SYT8: variants seen among roughly 807,000 people sequenced by gnomAD.
SYT8 encodes synaptotagmin 8.
In SYT8, 50 loss-of-function variants were observed where a neutral mutation model predicts 34.9. That is an observed-to-expected ratio of 1.43 (90% CI 1.14 to 1.81). The LOEUF (loss-of-function observed/expected upper bound fraction) is 1.81. Among genes scored for constraint, SYT8 ranks in the 40% most tolerant of loss-of-function variants. The probability of loss-of-function intolerance (pLI) is 0.00; values close to 1 mark genes in which losing one functional copy is unlikely to be tolerated. For missense variants in SYT8, 595 were observed against 529.0 expected, an observed-to-expected ratio of 1.12 and a Z score of -1.22; for synonymous variants, 255 against 234.2, an observed-to-expected ratio of 1.09 and a Z score of -0.81.
rs143303623 is a variant in SYT8 at position 1,836,759 on chromosome 11, G to A, written c.688G>A (p.Glu230Lys). The change falls in exon 6 of 8, where the codon GAG becomes AAG. Residue 230 changes from glutamate (E) to lysine (K), a missense_variant. Transcript: ENST00000341958. ...LLGPPAATQPEQVGELCFSLR... is the reference protein window; with the variant it reads ...LLGPPAATQPKQVGELCFSLR... ...AAGCCCCTCTTGCTGCCCACAGCCCGAGCAGGTCGGGGAGCTGTGCTTCTC... is the reference window on the plus strand; with the variant it reads ...AAGCCCCTCTTGCTGCCCACAGCCCAAGCAGGTCGGGGAGCTGTGCTTCTC... 1.2e-6 allele frequency: 2 copies of A among 1,608,882 alleles called. No homozygotes were observed. The highest frequency in any genetic ancestry group is 1.3e-5 in the African/African-American group (1 of 75,062).
Position 1,836,266 on chromosome 11 carries a change from C to T in SYT8, c.498C>T (p.Asp166=), listed in dbSNP as rs147187015. The T allele has an allele frequency of 6.1e-5, 95 of 1,563,920 alleles. No homozygotes were observed. Among genetic ancestry groups the T allele is most frequent in the Non-Finnish European group, 7.3e-5 (84 of 1,157,864 alleles). ...GAGGCACGCTCTGCCCCGTGTTTGA[C>T]GAGACCTGCTGCTTCCACGTGAGTC... ...VHRGTLCPVF[D]ETCCFHIPQA... The change falls in exon 4 of 8, where the codon GAC becomes GAT. Residue 166 remains aspartate, a synonymous_variant. Transcript: ENST00000341958.
chr11:1,834,474 G>A, upstream of SYT8: 1 of 1,164,044 alleles, frequency 8.6e-7, no homozygotes, highest in East Asian at 2.5e-5. The surrounding 1 kb of genome is among the most constrained non-coding windows in gnomAD (Gnocchi z 4.5). Flanking sequence ...TTTAGCCCAG[G>A]CCTGCTCAGT....
upstream of SYT8, chr11:1,834,376 C>T (rs1433757736): frequency 3.9e-5 from 24 of 619,962 alleles, no homozygotes; most frequent in Admixed American, 1.0e-4. This position sits in a 1 kb window ranked among gnomAD's most constrained non-coding sequence, Gnocchi z 4.5. Context: ...ATGTTCTGGC[C>T]GCTCCCAGCT....
At chr11:1,835,837 A>T in intron 2 of SYT8, 49 bp from the exon 3 acceptor site, 1 of 1,514,694 alleles carries the variant, frequency 6.6e-7, no homozygotes. Flanking sequence ...CAGGGCTCTG[A>T]TGAGGCATGA....
chr11:1,836,315 T>C, intron 4 of SYT8, 31 bp downstream of exon 4: 2 of 1,504,422 alleles, frequency 1.3e-6, no homozygotes, highest in Non-Finnish European at 1.8e-6. Flanking sequence ...TGGGTGGGCC[T>C]GGACGGCTGG....
In SYT8 at chr11:1,836,771, G is replaced by A. The variant is rs1846962125; in HGVS notation, c.700G>A (p.Glu234Lys). 6.2e-7 allele frequency: 1 copy of A among 1,609,868 alleles called. No individual in the cohort carries two copies. The highest frequency in any genetic ancestry group is 1.7e-5 in the Admixed American group (1 of 59,998). Residue 234 changes from glutamate (E) to lysine (K), a missense_variant, in exon 6 of 8, where the codon GAG (glutamate) becomes AAG (lysine). Glu to Lys is a moderately conservative substitution (Grantham distance 56, BLOSUM62 1). Coordinates refer to ENST00000341958, the MANE Select transcript of SYT8 (RefSeq NM_001394072.1). ...CTGCCCACAGCCCGAGCAGGTCGGGGAGCTGTGCTTCTCTCTCCGGTACGT... is the reference window on the plus strand; with the variant it reads ...CTGCCCACAGCCCGAGCAGGTCGGGAAGCTGTGCTTCTCTCTCCGGTACGT... ...PAATQPEQVGELCFSLRYVPS... is the reference protein window; with the variant it reads ...PAATQPEQVGKLCFSLRYVPS...
chr11:1,834,241 C>G (rs570905375), upstream of SYT8: 1 of 457,544 alleles, frequency 2.2e-6, no homozygotes, highest in Non-Finnish European at 3.9e-6. This position sits in a 1 kb window ranked among gnomAD's most constrained non-coding sequence, Gnocchi z 4.5. Flanking sequence ...TCCCCAGGCC[C>G]TAGGCAGGCG....
chr11:1,834,665 G>A (rs1353810966), upstream of SYT8: 1 of 1,523,678 alleles, frequency 6.6e-7, no homozygotes, highest in East Asian at 2.4e-5. The surrounding 1 kb of genome is among the most constrained non-coding windows in gnomAD (Gnocchi z 4.5). Flanking sequence ...GCAGAGATGA[G>A]ACCCCCAGGG....
At position 1,835,105 on chromosome 11, in the gene SYT8, G is replaced by A. The variant is rs1325806595; in HGVS notation, c.-1G>A. The stretch of plus-strand genomic sequence containing the variant: ...TTCTTCCAAACCAGCAGGGTAGAAA[G>A]ATGGGGCACCCACCAGTCTCTCCCA... On this transcript the variant is annotated 5_prime_UTR_variant, in exon 1 of 8. Transcript: ENST00000341958. 2 of 1,612,980 alleles carry A rather than the reference G, an allele frequency of 1.2e-6. No individual in the cohort carries two copies. The highest frequency in any genetic ancestry group is 2.7e-5 in the African/African-American group (2 of 74,922).
At chr11:1,836,045 G>T (rs746033267) in intron 3 of SYT8, 61 bp downstream of exon 3, 16 of 1,582,228 alleles carry the variant, frequency 1.0e-5, no homozygotes, top group Middle Eastern at 1.7e-4. Flanking sequence ...GGTGACGGGG[G>T]AAGGGCAGAC....
At chr11:1,831,926 A>T (rs1374355980), upstream of SYT8, 2 of 364,044 alleles carry the variant, frequency 5.5e-6, no homozygotes, top group East Asian at 1.5e-4. Context: ...GGGGGCTGCC[A>T]GCCCCAGCAC....
chr11:1,831,788 G>C (rs1172402541), upstream of SYT8: 1 of 456,228 alleles, frequency 2.2e-6, no homozygotes, highest in Admixed American at 2.3e-5. Flanking sequence ...TACCCCAGGA[G>C]AGAGTTCCCC....
At chr11:1,835,808 C>A in intron 2 of SYT8, 78 bp from the exon 3 acceptor site, 1 of 1,289,266 alleles carries the variant, frequency 7.8e-7, no homozygotes, top group Non-Finnish European at 1.1e-6. Flanking sequence ...CCATGTCATG[C>A]AAGGGCTGCC....
At position 1,836,672 on chromosome 11, in the gene SYT8, C is replaced by A. The variant is rs1249169043; in HGVS notation, c.684+80C>A. On this transcript the variant is annotated intron_variant, in intron 5 of 7. Transcript: ENST00000341958. ...CCTATGGGCCATCGGAAAGACAGGCCTGATGGGCAGCATTTTCGGGGGTCT... is the reference window on the plus strand; with the variant it reads ...CCTATGGGCCATCGGAAAGACAGGCATGATGGGCAGCATTTTCGGGGGTCT... 7 of 1,593,654 alleles carry A rather than the reference C, an allele frequency of 4.4e-6. No individual in the cohort carries two copies. In the South Asian group the frequency reaches 7.8e-5, roughly 18 times the overall value.
rs746223650 is a variant in SYT8 at position 1,835,144 on chromosome 11, A to G, written c.39A>G (p.Pro13=). 5 of 1,613,488 alleles carry G rather than the reference A, an allele frequency of 3.1e-6. No homozygotes were observed. Among genetic ancestry groups the G allele is most frequent in the Non-Finnish European group, 4.2e-6 (5 of 1,179,940 alleles). ...CAGTCTCTCCCAGTGCCCCGGCCCC[A>G]GCTGGCACCACAGCTATACCTGGGC... ...HPPVSPSAPA[P]AGTTAIPGLI... The change falls in exon 1 of 8, where the codon CCA becomes CCG. Residue 13 remains proline (P), a synonymous_variant. Coordinates refer to ENST00000341958, the MANE Select transcript of SYT8 (RefSeq NM_001394072.1).
upstream of SYT8, among the ~76,000 whole-genome samples, chr11:1,832,702 T>G (rs1846712297): frequency 6.6e-6 from 1 of 152,096 alleles, no homozygotes; most frequent in Non-Finnish European, 1.5e-5. Context: ...CCCCAGGCTT[T>G]GGGACCCCCA....
chr11:1,836,012 C>T (rs774695827), intron 3 of SYT8, 28 bp downstream of exon 3: 16 of 1,591,256 alleles, frequency 1.0e-5, no homozygotes, highest in East Asian at 2.2e-5. Context: ...GCAGGACCAG[C>T]GGTTCTGCGA....
upstream of SYT8, among the ~76,000 whole-genome samples, chr11:1,832,910 G>C (rs752540956): frequency 6.6e-6 from 1 of 152,250 alleles, no homozygotes; most frequent in East Asian, 1.9e-4. Flanking sequence ...CCAGCAAAGC[G>C]GGGGCACAGG....
Position 1,836,720 on chromosome 11 carries a change from A to G in SYT8, c.685-36A>G, listed in dbSNP as rs202013132. ...TCTGAGCCCCAACTCGGCCAGAATC[A>G]CCCTCCCGGGCTGAAGCCCCTCTTG... On this transcript the variant is annotated intron_variant, in intron 5 of 7. Coordinates refer to ENST00000341958, the MANE Select transcript of SYT8 (RefSeq NM_001394072.1). 79 of 1,600,858 alleles carry G rather than the reference A, an allele frequency of 4.9e-5. No homozygotes were observed. The African/African-American group carries it at 7.6e-4, about 15-fold the overall frequency.
Sources: gnomAD v4.1 joint callset for allele counts (sites outside exome capture counted in the v4.1 genomes callset) on GRCh38, gnomAD v4.1.1 for gene constraint, Gnocchi (gnomAD v3.1) non-coding constraint, MANE v1.5 for transcripts, NCBI Gene and HGNC (gene_info 2026-07-23, HGNC 2026-07-21) for gene names.